The following CAMK1D variants were observed in gnomAD, a reference collection of about 807,000 sequenced individuals.
CAMK1D encodes the protein calcium/calmodulin-dependent protein kinase type 1D.
Under a neutral mutation model 47.7 loss-of-function variants are expected in CAMK1D, and 9 were observed. That is an observed-to-expected ratio of 0.19 (90% CI 0.11 to 0.33). CAMK1D has a LOEUF of 0.33. Among genes scored for constraint, CAMK1D ranks in the 10% least tolerant of loss-of-function variants. CAMK1D has a pLI of 1.00. For missense variants in CAMK1D, 291 were observed against 488.7 expected (o/e 0.60, Z 3.81); for synonymous variants, 184 against 184.9 (o/e 0.99, Z 0.04).
At chr10:12,822,426 G>A (rs1436107783) in intron 8 of CAMK1D, among the ~76,000 whole-genome samples, 1 of 152,246 alleles carries the variant, frequency 6.6e-6, no homozygotes, top group African/African-American at 2.4e-5. Flanking sequence ...AGAAGCTTCT[G>A]TTTTCTTACA....
At chr10:12,450,832 A>C (rs1006266513) in intron 1 of CAMK1D, among the ~76,000 whole-genome samples, 1 of 152,086 alleles carries the variant, frequency 6.6e-6, no homozygotes, top group East Asian at 1.9e-4. Flanking sequence ...GTCTAAGGAA[A>C]CTCCCATTGT....
At chr10:12,721,664 C>G (rs1252362474) in intron 3 of CAMK1D, among the ~76,000 whole-genome samples, 1 of 152,296 alleles carries the variant, frequency 6.6e-6, no homozygotes, top group African/African-American at 2.4e-5. Flanking sequence ...AGCTTATTAC[C>G]TAGCAGAGGG....
At chr10:12,425,749 A>C (rs142994959) in intron 1 of CAMK1D, among the ~76,000 whole-genome samples, 1 of 152,394 alleles carries the variant, frequency 6.6e-6, no homozygotes, top group African/African-American at 2.4e-5. Flanking sequence ...TGCCTGCCAC[A>C]TAATCATTGC....
intron 2 of CAMK1D, among the ~76,000 whole-genome samples, chr10:12,659,146 G>A (rs966438016): frequency 1.3e-5 from 2 of 152,190 alleles, no homozygotes; most frequent in Non-Finnish European, 2.9e-5. Flanking sequence ...ACGTGAGCCA[G>A]TCCCCCTGTC....
intron 1 of CAMK1D, among the ~76,000 whole-genome samples, chr10:12,412,520 G>A (rs1269664637): frequency 2.0e-5 from 3 of 151,276 alleles, no homozygotes; most frequent in African/African-American, 7.3e-5. Flanking sequence ...CTACTCGGGA[G>A]GCTGAGGCAG....
chr10:12,650,300 C>T (rs565831547), intron 2 of CAMK1D, among the ~76,000 whole-genome samples: 1 of 152,244 alleles, frequency 6.6e-6, no homozygotes, highest in East Asian at 1.9e-4. Context: ...GCCCGACCAG[C>T]GTGCCAGGGG....
chr10:12,822,916 C>A (rs1200745747), intron 8 of CAMK1D, among the ~76,000 whole-genome samples: 4 of 152,262 alleles, frequency 2.6e-5, no homozygotes, highest in East Asian at 3.9e-4. Context: ...GAAATGAAAA[C>A]CTAGTTTGCT....
At chr10:12,750,424 C>T (rs142182685) in intron 3 of CAMK1D, among the ~76,000 whole-genome samples, 1 of 152,248 alleles carries the variant, frequency 6.6e-6, no homozygotes, top group Non-Finnish European at 1.5e-5. Flanking sequence ...ATGTAACCTT[C>T]GATTGCAGAG....
At chr10:12,466,860 G>A (rs1241708313) in intron 1 of CAMK1D, among the ~76,000 whole-genome samples, 1 of 152,096 alleles carries the variant, frequency 6.6e-6, no homozygotes, top group East Asian at 1.9e-4. Flanking sequence ...GGTCCAGACA[G>A]ATGACAGGTG....
intron 4 of CAMK1D, among the ~76,000 whole-genome samples, chr10:12,762,661 A>G (rs1836564210): frequency 6.6e-6 from 1 of 151,468 alleles, no homozygotes; most frequent in African/African-American, 2.4e-5. Context: ...CTCTTGGAAA[A>G]CCACTGGGCG....
At chr10:12,392,829 T>C (rs1373876243) in intron 1 of CAMK1D, among the ~76,000 whole-genome samples, 1 of 152,108 alleles carries the variant, frequency 6.6e-6, no homozygotes, top group Non-Finnish European at 1.5e-5. Flanking sequence ...GTAACCACCA[T>C]ATTACATTCT....
chr10:12,665,817 C>T lies in CAMK1D; in HGVS notation c.225-919C>T, dbSNP rs1170543457. On this transcript the variant is annotated intron_variant, in intron 2 of 10. Transcript: ENST00000619168. ...TGCAGATCGGCAGTACCGATATCTC[C>T]TGGGAGCTGGTTGGAAATGCAGCCT... Among the ~76,000 whole-genome samples the T allele has an allele frequency of 2.6e-5, 4 of 152,208 alleles. No individual in the cohort carries two copies. In the East Asian group the frequency reaches 5.8e-4, roughly 22 times the overall value.
intron 1 of CAMK1D, among the ~76,000 whole-genome samples, chr10:12,404,158 G>A (rs1839329885): frequency 6.6e-6 from 1 of 151,808 alleles, no homozygotes; most frequent in Non-Finnish European, 1.5e-5. Context: ...TGATTCTCCT[G>A]TCTCAGCCTT....
Position 12,433,632 on chromosome 10 carries a change from G to C in CAMK1D, c.92+83722G>C, listed in dbSNP as rs556207634. Among the ~76,000 whole-genome samples the C allele has an allele frequency of 9.9e-5, 15 of 152,284 alleles. No individual in the cohort carries two copies. The South Asian group carries it at 2.7e-3, about 27-fold the overall frequency. On this transcript the variant is annotated intron_variant, in intron 1 of 10. Transcript: ENST00000619168. ...TTGGCATCTCCCCAGTCAATGCCTTGCGTCCAGAAAGCTGGCATGCGGTTT... is the reference window on the plus strand; with the variant it reads ...TTGGCATCTCCCCAGTCAATGCCTTCCGTCCAGAAAGCTGGCATGCGGTTT...
chr10:12,365,370 A>G (rs911218851), intron 1 of CAMK1D, among the ~76,000 whole-genome samples: 3 of 152,176 alleles, frequency 2.0e-5, no homozygotes, highest in Admixed American at 2.0e-4. Context: ...CTTGGTATAT[A>G]TTATAGTAAA....
intron 3 of CAMK1D, among the ~76,000 whole-genome samples, chr10:12,715,146 A>G (rs183434606): frequency 1.5e-3 from 231 of 151,624 alleles, no homozygotes; most frequent in Non-Finnish European, 2.9e-3. Context: ...TCTACTCTCT[A>G]CCTCCTTGAG....
intron 1 of CAMK1D, among the ~76,000 whole-genome samples, chr10:12,460,141 A>G: frequency 6.6e-6 from 1 of 152,092 alleles, no homozygotes; most frequent in East Asian, 1.9e-4. Context: ...ATCATGATAA[A>G]CTCCACTGTA....
chr10:12,534,695 A>T (rs545996042), intron 1 of CAMK1D, among the ~76,000 whole-genome samples: 1 of 152,300 alleles, frequency 6.6e-6, no homozygotes, highest in South Asian at 2.1e-4. Context: ...GCTTAACAAA[A>T]TAAGCCATTA....
At chr10:12,690,009 T>G (rs191250427) in intron 3 of CAMK1D, among the ~76,000 whole-genome samples, 4 of 152,046 alleles carry the variant, frequency 2.6e-5, no homozygotes. Context: ...TGGCAAATAT[T>G]TATGTTGTTT....
Sources: gnomAD v4.1 joint callset for allele counts (sites outside exome capture counted in the v4.1 genomes callset) on GRCh38, gnomAD v4.1.1 for gene constraint, MANE v1.5 for transcripts, NCBI Gene and HGNC (gene_info 2026-07-23, HGNC 2026-07-21) for gene names.